The following CUL9 variants were observed in gnomAD, a reference collection of about 807,000 sequenced individuals.
The protein encoded by CUL9 is cullin-9.
In CUL9, 79 loss-of-function variants were observed where a neutral mutation model predicts 272.6. The observed-to-expected ratio is 0.29, with a 90% confidence interval of 0.24 to 0.35. CUL9 has a LOEUF of 0.35. Among genes scored for constraint, CUL9 ranks in the 10% least tolerant of loss-of-function variants. The pLI, the probability that CUL9 is intolerant of heterozygous loss-of-function variation, is 1.00. For synonymous variants in CUL9, 1,186 were observed against 1,286.5 expected (o/e 0.92, Z 1.67); for missense variants, 2,532 against 3,255.6 (o/e 0.78, Z 5.41).
chr6:43,206,562 A>G lies in CUL9; in HGVS notation c.5212+52A>G. The stretch of plus-strand genomic sequence containing the variant: ...AGATCGGGGTGAGATTCGGGGTGGC[A>G]AGAGAGGAAGAGGAGAGGACCTTTG... On this transcript the variant is annotated intron_variant, in intron 26 of 40. Coordinates refer to ENST00000252050, the MANE Select transcript of CUL9 (RefSeq NM_015089.4). This position sits in a 1 kb window ranked among gnomAD's most constrained non-coding sequence, Gnocchi z 4.8. The G allele has an allele frequency of 6.4e-7, 1 of 1,555,772 alleles. No homozygotes were observed. The highest frequency in any genetic ancestry group is 8.9e-7 in the Non-Finnish European group (1 of 1,127,710).
rs1773972283 is a variant in CUL9, at chr6:43,196,094, G to C, written c.2414G>C (p.Ser805Thr). 4 of 1,613,602 alleles carry C rather than the reference G, an allele frequency of 2.5e-6. No homozygotes were observed. Among genetic ancestry groups the C allele is most frequent in the Non-Finnish European group, 3.4e-6 (4 of 1,179,698 alleles). Residue 805 changes from serine to threonine, a missense_variant, in exon 10 of 41, where the codon AGC (serine) becomes ACC (threonine). Around this residue, in one of 3 missense-constraint regions of CUL9, gnomAD observed 2,218 missense variants for 2,788.6 expected, o/e 0.80. Coordinates refer to ENST00000252050, the MANE Select transcript of CUL9 (RefSeq NM_015089.4). ...GCACTGAAGATGCTGGCCGTCGCCAGCTCCTCGGAGATCCCCACTTTTGTT... is the reference window on the plus strand; with the variant it reads ...GCACTGAAGATGCTGGCCGTCGCCACCTCCTCGGAGATCCCCACTTTTGTT... ...LAALKMLAVA[S>T]SSEIPTFVTG...
Position 43,203,948 on chromosome 6 carries a change from G to A in CUL9, c.4120G>A (p.Ala1374Thr), listed in dbSNP as rs1178583576. 4 of 1,610,898 alleles carry A rather than the reference G, an allele frequency of 2.5e-6. No individual in the cohort carries two copies. Among genetic ancestry groups the A allele is most frequent in the Admixed American group, 1.7e-5 (1 of 59,822 alleles). ...GGCACTGGGCAAGACCTGCTGGGAGGCCCTGGTCAGCCCCCTGGTGCAGAA... is the reference window on the plus strand; with the variant it reads ...GGCACTGGGCAAGACCTGCTGGGAGACCCTGGTCAGCCCCCTGGTGCAGAA... The part of the protein sequence containing the change: ...AQALGKTCWE[A>T]LVSPLVQNIT... Residue 1374 changes from alanine (A) to threonine (T), a missense_variant, in exon 20 of 41, where the codon GCC becomes ACC. By Grantham distance (58) the Ala-to-Thr change is moderately conservative. Around this residue, in one of 3 missense-constraint regions of CUL9, gnomAD observed 2,218 missense variants for 2,788.6 expected, o/e 0.80. Coordinates refer to ENST00000252050, the MANE Select transcript of CUL9 (RefSeq NM_015089.4). The surrounding 1 kb of genome is among the most constrained non-coding windows in gnomAD (Gnocchi z 5.0).
At chr6:43,209,948 T>C (rs1775341897) in intron 26 of CUL9, among the ~76,000 whole-genome samples, 1 of 151,830 alleles carries the variant, frequency 6.6e-6, no homozygotes, top group African/African-American at 2.4e-5. Context: ...ATCCGGACCC[T>C]TTTGTACTTT....
chr6:43,205,432 A>G lies in CUL9; in HGVS notation c.4793+9A>G, dbSNP rs754447683. The G allele has an allele frequency of 1.9e-5, 30 of 1,609,770 alleles. No homozygotes were observed. In the African/African-American group the frequency reaches 3.1e-4, roughly 16 times the overall value. ...TTTGAGCACTTCTATCAGTGAGTGC[A>G]GGTCTGGAGGCATAGGGGATGGGAG... On this transcript the variant is annotated intron_variant, in intron 24 of 40. Transcript: ENST00000252050.
At chr6:43,215,379 A>T (rs1775853752) in intron 30 of CUL9, 53 bp downstream of exon 30, 2 of 1,540,612 alleles carry the variant, frequency 1.3e-6, no homozygotes, top group Admixed American at 3.8e-5. Context: ...GGTCATGCCA[A>T]AGCCAAGATC....
chr6:43,221,085 C>A lies in CUL9; in HGVS notation c.6589-73C>A. On this transcript the variant is annotated intron_variant, in intron 33 of 40. Transcript: ENST00000252050. The surrounding 1 kb of genome is among the most constrained non-coding windows in gnomAD (Gnocchi z 4.2). The stretch of plus-strand genomic sequence containing the variant: ...TCCAAATGTGATCTGTGCCTGCTCC[C>A]CTCTCTCCTGTGCACACCAGCCATG... The A allele has an allele frequency of 6.4e-7, 1 of 1,552,752 alleles. No homozygotes were observed. The highest frequency in any genetic ancestry group is 8.7e-7 in the Non-Finnish European group (1 of 1,147,986).
chr6:43,212,769 A>G (rs1055214346), intron 26 of CUL9: 6 of 179,786 alleles, frequency 3.3e-5, no homozygotes, highest in African/African-American at 1.4e-4. Flanking sequence ...GCTTTCCAGT[A>G]TGAACAGATG....
At chr6:43,198,476 G>A in intron 11 of CUL9, 133 bp from the exon 12 acceptor site, 1 of 1,501,784 alleles carries the variant, frequency 6.7e-7, no homozygotes, top group South Asian at 1.4e-5. Context: ...CTCATAGTTT[G>A]GTTAAAAACT....
At chr6:43,188,834 C>G in intron 8 of CUL9, 119 bp downstream of exon 8, 1 of 808,204 alleles carries the variant, frequency 1.2e-6, no homozygotes, top group Non-Finnish European at 1.9e-6. Flanking sequence ...AAGGCTCAGC[C>G]TGAGGAGCAG....
rs1158390452 is a variant in CUL9 at position 43,221,268 on chromosome 6, C to G, written c.6699C>G (p.Ser2233=). 2 of 1,611,554 alleles carry G rather than the reference C, an allele frequency of 1.2e-6. No homozygotes were observed. The highest frequency in any genetic ancestry group is 8.5e-7 in the Non-Finnish European group (1 of 1,179,976). The change falls in exon 34 of 41, where the codon TCC becomes TCG. Residue 2233 remains serine, a synonymous_variant. Transcript: ENST00000252050. The surrounding 1 kb of genome is among the most constrained non-coding windows in gnomAD (Gnocchi z 4.2). ...GCAAGCACCTGGCCAAGCTCATCTC[C>G]AAGCGCTGTCCCAGCTGTCAGGCTC... The part of the protein sequence containing the change: ...AQSKHLAKLI[S]KRCPSCQAPI...
Position 43,213,120 on chromosome 6 carries a change from C to T in CUL9, c.5213-29C>T, listed in dbSNP as rs777308926. On this transcript the variant is annotated intron_variant, in intron 26 of 40. Transcript: ENST00000252050. The surrounding 1 kb of genome is among the most constrained non-coding windows in gnomAD (Gnocchi z 5.7). ...ACCCCTTGTTTCGCCCATTCTGTGT[C>T]TCCACCCTTCTCCTTGACACTTGCC... The T allele has an allele frequency of 9.3e-6, 15 of 1,610,062 alleles. No individual in the cohort carries two copies. In the East Asian group the frequency reaches 3.3e-4, roughly 36 times the overall value.
In CUL9 at chr6:43,216,245, G is replaced by T. The variant is rs1329385110; in HGVS notation, c.6024G>T (p.Gln2008His). 2 of 1,613,736 alleles carry T rather than the reference G, an allele frequency of 1.2e-6. No individual in the cohort carries two copies. The highest frequency in any genetic ancestry group is 1.7e-6 in the Non-Finnish European group (2 of 1,179,828). The stretch of plus-strand genomic sequence containing the variant: ...AGGAAGTAGAAGGGTTGATGAAGCA[G>T]ACGGTGCGTCAGGTGCAGGAGACGC... The part of the protein sequence containing the change: ...SPQEVEGLMK[Q>H]TVRQVQETLN... The change falls in exon 31 of 41, where the codon CAG becomes CAT. Residue 2008 changes from glutamine (Q) to histidine (H), a missense_variant. Physicochemically the swap from Gln to His is conservative, Grantham distance 24. This residue lies in a region of CUL9 where 2,218 missense variants were observed against 2,788.6 expected (regional missense o/e 0.80). Transcript: ENST00000252050.
At position 43,216,007 on chromosome 6, in the gene CUL9, C is replaced by T. The variant is rs1054384992; in HGVS notation, c.5937-151C>T. ...TACAGGTGCTTCTGTGGAGGATCTG[C>T]TCTGACGGTTGGTTTGGGTGGTTAT... On this transcript the variant is annotated intron_variant, in intron 30 of 40. Transcript: ENST00000252050. 1.3e-5 allele frequency: 9 copies of T among 670,710 alleles called. No individual in the cohort carries two copies. The African/African-American group carries it at 1.6e-4, about 12-fold the overall frequency. 41.5% of individuals were successfully genotyped at this position (670,710 alleles called of 1,614,324 possible).
chr6:43,195,012 G>A (rs1483509227), intron 9 of CUL9, among the ~76,000 whole-genome samples: 4 of 152,162 alleles, frequency 2.6e-5, no homozygotes, highest in Admixed American at 6.5e-5. Flanking sequence ...CTGAGATTGC[G>A]CCATTGCACT....
Position 43,184,152 on chromosome 6 carries a change from C to A in CUL9, c.-9-150C>A. The stretch of plus-strand genomic sequence containing the variant: ...AGTATGTTCAGCTATTTATTCCATC[C>A]TATTTTTTGCCTTTTCTGTTTGGCC... On this transcript the variant is annotated intron_variant, in intron 1 of 40. Transcript: ENST00000252050. This position sits in a 1 kb window ranked among gnomAD's most constrained non-coding sequence, Gnocchi z 4.8. 2.0e-6 allele frequency: 1 copy of A among 499,052 alleles called. No individual in the cohort carries two copies. The highest frequency in any genetic ancestry group is 3.5e-6 in the Non-Finnish European group (1 of 287,526). The allele number at this position is 499,052 out of a possible 1,614,324, so 30.9% of individuals were successfully genotyped here.
At chr6:43,192,624 T>G (rs765185112) in intron 8 of CUL9, among the ~76,000 whole-genome samples, 16 of 152,200 alleles carry the variant, frequency 1.1e-4, no homozygotes, top group Non-Finnish European at 2.1e-4. Context: ...TGCAGTGAGC[T>G]GAGATCGCGC....
chr6:43,213,872 A>G lies in CUL9; in HGVS notation c.5648A>G (p.His1883Arg). The change falls in exon 29 of 41, where the codon CAT becomes CGT. Residue 1883 changes from histidine to arginine, a missense_variant. By Grantham distance (29) the His-to-Arg change is conservative. Transcript: ENST00000252050. The surrounding 1 kb of genome is among the most constrained non-coding windows in gnomAD (Gnocchi z 5.7). ...SCLLVRILKA[H>R]GEKGLHIDQL... ...CTTCTTGTTCGTATTCTCAAAGCCC[A>G]TGGGGAAAAGGGCCTCCACATTGAT... 2.5e-6 allele frequency: 4 copies of G among 1,614,118 alleles called. No homozygotes were observed. In the South Asian group the frequency reaches 3.3e-5, roughly 13 times the overall value.
chr6:43,187,540 G>C, intron 6 of CUL9, 101 bp downstream of exon 6: 3 of 1,382,892 alleles, frequency 2.2e-6, no homozygotes, highest in Non-Finnish European at 3.0e-6. Flanking sequence ...GGGGAGGCTG[G>C]AGCTAGAGAT....
Position 43,206,657 on chromosome 6 carries a change from AT to A in CUL9, c.5212+149del. ...ATGAGAAAGCATGGGTTGTAGTTTC[AT>A]TAATTTCTGCTCTCATCAGTTTCTT... On this transcript the variant is annotated intron_variant, in intron 26 of 40. Transcript: ENST00000252050. The surrounding 1 kb of genome is among the most constrained non-coding windows in gnomAD (Gnocchi z 4.8). 1 of 665,582 alleles carries A rather than the reference AT, an allele frequency of 1.5e-6. No homozygotes were observed. Among genetic ancestry groups the A allele is most frequent in the Non-Finnish European group, 2.5e-6 (1 of 398,896 alleles). 41.2% of individuals were successfully genotyped at this position (665,582 alleles called of 1,614,324 possible).
Sources: allele counts gnomAD v4.1 joint callset (sites outside exome capture counted in the v4.1 genomes callset), GRCh38; gene constraint gnomAD v4.1.1; regional missense constraint gnomAD v4.1.1; non-coding constraint Gnocchi (gnomAD v3.1); transcripts MANE v1.5; gene names NCBI Gene and HGNC (gene_info 2026-07-23, HGNC 2026-07-21).